The following LRRK2 variants were observed in gnomAD, a reference collection of about 807,000 sequenced individuals.
LRRK2 encodes the protein leucine-rich repeat serine/threonine-protein kinase 2.
In LRRK2, 203 loss-of-function variants were observed where a neutral mutation model predicts 302.6. The ratio of observed to expected loss-of-function variants is 0.67; its 90% confidence interval spans 0.60 to 0.75. LRRK2 has a LOEUF of 0.75. Ranked by LOEUF, LRRK2 falls within the 30% of genes least tolerant of loss-of-function variation. The pLI is 0.00. For missense variants in LRRK2, 2,830 were observed against 2,951.0 expected, an observed-to-expected ratio of 0.96 and a Z score of 0.95; for synonymous variants, 1,066 against 1,031.9, an observed-to-expected ratio of 1.03 and a Z score of -0.63.
At chr12:40,280,537 A>G (rs1460070944) in intron 18 of LRRK2, among the ~76,000 whole-genome samples, 1 of 151,812 alleles carries the variant, frequency 6.6e-6, no homozygotes, top group African/African-American at 2.4e-5. Context: ...AGGTGGGAGG[A>G]TGACTTGAGC....
intron 2 of LRRK2, among the ~76,000 whole-genome samples, chr12:40,231,576 C>CAAAAAAAAAAAACAAAACAA (rs1941191224): frequency 9.4e-6 from 1 of 105,884 alleles, no homozygotes; most frequent in Non-Finnish European, 1.8e-5. Context: ...AAAACAAAAC[C>CAAAAAAAAAAAACAAAACAA]AAAAAAAAAA....
chr12:40,322,473 A>G lies in LRRK2; in HGVS notation c.5472A>G (p.Lys1824=). ...TTAATGATGGTGAAGAACATCAAAA[A>G]ATCTTACTTGATGACTTGATGAAGA... ...YSFNDGEEHQ[K]ILLDDLMKKA... is the part of the protein sequence containing the mutation. The change falls in exon 37 of 51, where the codon AAA becomes AAG. Residue 1824 remains lysine, a synonymous_variant. Transcript: ENST00000298910. 1 of 1,613,388 alleles carries G rather than the reference A, an allele frequency of 6.2e-7. No homozygotes were observed. The highest frequency in any genetic ancestry group is 8.5e-7 in the Non-Finnish European group (1 of 1,179,438).
At chr12:40,281,625 A>C (rs1261460657) in intron 18 of LRRK2, among the ~76,000 whole-genome samples, 1 of 152,232 alleles carries the variant, frequency 6.6e-6, no homozygotes, top group African/African-American at 2.4e-5. Flanking sequence ...ATATGTGTGA[A>C]TATTCTAAAG....
At position 40,340,373 on chromosome 12, in the gene LRRK2, G is replaced by A. The variant is rs1946003687; in HGVS notation, c.6028G>A (p.Ala2010Thr). ...VLLFTLYPNA[A>T]IIAKIADYGI... ...GCTTTTCACACTGTATCCCAATGCT[G>A]CCATCATTGCAAAGATTGCTGACTA... is the stretch of plus-strand genomic sequence containing the variant. The change falls in exon 41 of 51, where the codon GCC becomes ACC. Residue 2010 changes from alanine to threonine, a missense_variant. Ala to Thr is a moderately conservative substitution (Grantham distance 58). Transcript: ENST00000298910. 1.2e-6 allele frequency: 2 copies of A among 1,613,854 alleles called. No individual in the cohort carries two copies. Among genetic ancestry groups the A allele is most frequent in the Non-Finnish European group, 1.7e-6 (2 of 1,179,850 alleles).
intron 14 of LRRK2, among the ~76,000 whole-genome samples, chr12:40,265,033 T>C (rs983434367): frequency 4.6e-5 from 7 of 152,200 alleles, no homozygotes; most frequent in African/African-American, 1.4e-4. Flanking sequence ...CATAAATTAA[T>C]TAAAGTGGCT....
chr12:40,259,884 ATTC>A (rs1942692878), intron 13 of LRRK2, among the ~76,000 whole-genome samples: 1 of 152,122 alleles, frequency 6.6e-6, no homozygotes, highest in Non-Finnish European at 1.5e-5. Context: ...ATCTCTGATA[ATTC>A]TTTTCTATTT....
intron 47 of LRRK2, among the ~76,000 whole-genome samples, chr12:40,361,612 CAGTT>C (rs1946708971): frequency 1.3e-5 from 2 of 151,958 alleles, no homozygotes; most frequent in Admixed American, 1.3e-4. Flanking sequence ...TTATGGATAT[CAGTT>C]AACTCTTTAA....
chr12:40,225,015 T>G lies in LRRK2; in HGVS notation c.-117T>G. On this transcript the variant is annotated 5_prime_UTR_variant, in exon 1 of 51. Transcript: ENST00000298910. Reference sequence around the variant, plus strand: ...CGCCGATGGGGCCCGCGGGGAGCGCTGGCTGCGGGCGGTGAGCTGAGCTCG... The same window carrying G: ...CGCCGATGGGGCCCGCGGGGAGCGCGGGCTGCGGGCGGTGAGCTGAGCTCG... 2.2e-6 allele frequency: 3 copies of G among 1,371,726 alleles called. No homozygotes were observed. Among genetic ancestry groups the G allele is most frequent in the Non-Finnish European group, 1.0e-6 (1 of 988,342 alleles). The allele number at this position is 1,371,726 out of a possible 1,614,324, so 85.0% of individuals were successfully genotyped here.
intron 28 of LRRK2, among the ~76,000 whole-genome samples, chr12:40,306,183 A>G (rs1034920493): frequency 2.0e-5 from 3 of 152,170 alleles, no homozygotes; most frequent in Non-Finnish European, 2.9e-5. Flanking sequence ...TAATGTTGAG[A>G]GCGGCTTCTC....
intron 38 of LRRK2, among the ~76,000 whole-genome samples, chr12:40,326,568 T>C (rs936476610): frequency 1.3e-5 from 2 of 152,200 alleles, no homozygotes; most frequent in African/African-American, 4.8e-5. Flanking sequence ...TTCTCTATGC[T>C]GCATTGCAAT....
In LRRK2 at chr12:40,230,064, TAGTC is replaced by T. The variant is rs138982034; in HGVS notation, c.238-2206_238-2203del. Among the ~76,000 whole-genome samples the T allele has an allele frequency of 3.6e-3, 526 of 145,622 alleles. 1 individual carries two copies. The highest frequency in any genetic ancestry group is 0.012 in the African/African-American group (491 of 40,022). Reference sequence around the variant, plus strand: ...GATGTATTCTATGAAAGCACAAAAATAGTCAGTTTCTATGACAGCTGGATTGTCA... The same window carrying T: ...GATGTATTCTATGAAAGCACAAAAATAGTTTCTATGACAGCTGGATTGTCA... On this transcript the variant is annotated intron_variant, in intron 2 of 50. Transcript: ENST00000298910.
intron 45 of LRRK2, among the ~76,000 whole-genome samples, chr12:40,355,509 C>T (rs1311434444): frequency 2.0e-5 from 1 of 50,016 alleles, no homozygotes; most frequent in African/African-American, 4.7e-5. Flanking sequence ...CCTTCCATCC[C>T]TCCCTCCCTC....
rs1946945019 is a variant in LRRK2 at position 40,368,605 on chromosome 12, T to G, written c.*840T>G. 6.6e-6 allele frequency: 1 copy of G among 151,888 alleles called. No individual in the cohort carries two copies. The highest frequency in any genetic ancestry group is 2.4e-5 in the African/African-American group (1 of 41,414). 9.4% of individuals were successfully genotyped at this position (151,888 alleles called of 1,614,324 possible). A position where few individuals can be genotyped will look rare whatever the true frequency, so the allele number is the denominator to read the frequency against. ...TTATTCATACCACTAGCTACTTGTT[T>G]TCTAATCTGCTTCATTCTAATGCTT... On this transcript the variant is annotated 3_prime_UTR_variant, in exon 51 of 51. Coordinates refer to ENST00000298910, the MANE Select transcript of LRRK2 (RefSeq NM_198578.4).
In LRRK2 at chr12:40,351,674, C is replaced by G. The variant is rs1173332037; in HGVS notation, c.6517C>G (p.His2173Asp). 6.2e-7 allele frequency: 1 copy of G among 1,614,124 alleles called. No homozygotes were observed. The highest frequency in any genetic ancestry group is 8.5e-7 in the Non-Finnish European group (1 of 1,180,008). Residue 2173 changes from histidine to aspartate, a missense_variant, in exon 44 of 51, where the codon CAC (histidine) becomes GAC (aspartate). Physicochemically the swap from His to Asp is moderately conservative, Grantham distance 81. Around this residue, in one of 3 missense-constraint regions of LRRK2, gnomAD observed 456 missense variants for 456.3 expected, o/e 1.00. Coordinates refer to ENST00000298910, the MANE Select transcript of LRRK2 (RefSeq NM_198578.4). ...TGCAAGCATTTGGCTGGGCTGTGGG[C>G]ACACCGACAGAGGACAGCTCTCATT... ...RNASIWLGCG[H>D]TDRGQLSFLD... is the part of the protein sequence containing the mutation.
chr12:40,303,437 T>C (rs1313814877), intron 26 of LRRK2, among the ~76,000 whole-genome samples: 1 of 152,112 alleles, frequency 6.6e-6, no homozygotes, highest in African/African-American at 2.4e-5. Flanking sequence ...CATAAAAATA[T>C]ATGTGTAAAT....
chr12:40,356,078 G>C, intron 45 of LRRK2, 37 bp from the exon 46 acceptor site: 1 of 1,466,690 alleles, frequency 6.8e-7, no homozygotes, highest in East Asian at 2.3e-5. Context: ...CAACATACAT[G>C]TTCTTTTTGT....
At chr12:40,323,340 A>G (rs1291458121) in intron 38 of LRRK2, 34 bp downstream of exon 38, 1 of 1,570,380 alleles carries the variant, frequency 6.4e-7, no homozygotes, top group South Asian at 1.1e-5. Context: ...AATAAAAATT[A>G]GGATGTAATT....
intron 11 of LRRK2, among the ~76,000 whole-genome samples, chr12:40,254,144 T>A (rs1217307434): frequency 6.6e-6 from 1 of 152,064 alleles, no homozygotes; most frequent in Non-Finnish European, 1.5e-5. Flanking sequence ...CATAAAGGCA[T>A]TGGGACTTGG....
intron 18 of LRRK2, among the ~76,000 whole-genome samples, chr12:40,278,817 CCTTCAAAATATAATTCAAATTAT>C (rs1253903043): frequency 2.0e-5 from 3 of 152,116 alleles, no homozygotes; most frequent in Non-Finnish European, 4.4e-5. Context: ...TTCTGCTCTC[CCTTCAAAATATAATTCAAATTAT>C]CTTTCTTTAA....
Sources: gnomAD v4.1 joint callset for allele counts (sites outside exome capture counted in the v4.1 genomes callset) on GRCh38, gnomAD v4.1.1 for gene constraint, gnomAD v4.1.1 regional missense constraint, MANE v1.5 for transcripts, NCBI Gene and HGNC (gene_info 2026-07-23, HGNC 2026-07-21) for gene names.